RPUSD3: variants seen among roughly 807,000 people sequenced by gnomAD.
The protein encoded by RPUSD3 is RNA pseudouridine synthase D3, also known as mitochondrial mRNA pseudouridine synthase RPUSD3.
In RPUSD3, 36 loss-of-function variants were observed where a neutral mutation model predicts 35.1. The observed-to-expected ratio is 1.02, with a 90% confidence interval of 0.79 to 1.35. The LOEUF is 1.35. RPUSD3 is among the 40% of genes most tolerant of loss of function. The probability of loss-of-function intolerance (pLI) is 0.00; values close to 1 mark genes in which losing one functional copy is unlikely to be tolerated. For synonymous variants in RPUSD3, 202 were observed against 187.8 expected (o/e 1.08, Z -0.62); for missense variants, 486 against 441.9 (o/e 1.10, Z -0.89).
At chr3:9,837,901 A>T in exon 9 of RPUSD3, 1 of 1,152,116 alleles carries the variant, frequency 8.7e-7, no homozygotes, top group Non-Finnish European at 1.2e-6. Flanking sequence ...TTACTTGCCC[A>T]ATGCCACACA....
At chr3:9,843,320 G>T in intron 2 of RPUSD3, 145 bp downstream of exon 2, 1 of 1,134,462 alleles carries the variant, frequency 8.8e-7, no homozygotes, top group Non-Finnish European at 1.3e-6. Flanking sequence ...GCGGGGAGAG[G>T]GTGCAAATTA....
In RPUSD3 at chr3:9,842,249, A is replaced by C. The variant is rs1372379394; in HGVS notation, c.263-6T>G. On this transcript the variant is annotated splice_region_variant and splice_polypyrimidine_tract_variant and intron_variant, in intron 2 of 8. Transcript: ENST00000383820. ...GTTCAACGTCACTAGAGGTCCTGAAACATACATCACACGAACATCAGCAAA... is the reference window on the plus strand; with the variant it reads ...GTTCAACGTCACTAGAGGTCCTGAACCATACATCACACGAACATCAGCAAA... 6.2e-7 allele frequency: 1 copy of C among 1,614,110 alleles called. No individual in the cohort carries two copies. Among genetic ancestry groups the C allele is most frequent in the East Asian group, 2.2e-5 (1 of 44,888 alleles).
intron 1 of RPUSD3, 86 bp downstream of exon 1, chr3:9,843,804 G>C: frequency 1.3e-6 from 2 of 1,551,214 alleles, no homozygotes; most frequent in Non-Finnish European, 1.7e-6. Flanking sequence ...GCTGTTTTCG[G>C]GTAACATCTA....
chr3:9,840,601 C>T (rs1197950584), exon 6 of RPUSD3: 1 of 1,613,754 alleles, frequency 6.2e-7, no homozygotes, highest in Non-Finnish European at 8.5e-7. Context: ...CAGCTGGGAT[C>T]CCATCAGTGA....
At chr3:9,843,328 T>G in intron 2 of RPUSD3, 137 bp downstream of exon 2, 2 of 1,277,412 alleles carry the variant, frequency 1.6e-6, no homozygotes, top group Non-Finnish European at 1.1e-6. Flanking sequence ...AGGGTGCAAA[T>G]TAGGTGGCTT....
intron 2 of RPUSD3, 108 bp from the exon 3 acceptor site, chr3:9,842,351 A>G (rs1482150404): frequency 6.4e-6 from 7 of 1,086,114 alleles, no homozygotes; most frequent in South Asian, 5.0e-5. Context: ...TGTCCCCATC[A>G]TGACTCTCAG....
At chr3:9,840,289 G>A (rs905964862) in exon 7 of RPUSD3, 4 of 1,614,030 alleles carry the variant, frequency 2.5e-6, no homozygotes, top group Admixed American at 3.3e-5. Context: ...TTTCGGGATG[G>A]GGCCTTCACT....
chr3:9,842,316 G>T, intron 2 of RPUSD3, 73 bp from the exon 3 acceptor site: 2 of 1,461,268 alleles, frequency 1.4e-6, no homozygotes, highest in Non-Finnish European at 1.9e-6. Context: ...AGTTTCCAGA[G>T]CACTTTCTCA....
intron 2 of RPUSD3, 52 bp downstream of exon 2, chr3:9,843,413 G>A: frequency 1.9e-6 from 3 of 1,605,770 alleles, no homozygotes; most frequent in Middle Eastern, 1.7e-4. Flanking sequence ...CCAACTGCAC[G>A]CCGAGGCAGT....
chr3:9,838,694 T>C (rs1372942998), intron 8 of RPUSD3, among the ~76,000 whole-genome samples: 1 of 152,214 alleles, frequency 6.6e-6, no homozygotes, highest in Non-Finnish European at 1.5e-5. Context: ...TCTGGTAGTC[T>C]GGGCTTAGTG....
exon 3 of RPUSD3, chr3:9,842,212 A>G: frequency 6.2e-7 from 1 of 1,614,150 alleles, no homozygotes; most frequent in African/African-American, 1.3e-5. Context: ...TCACTGGTAG[A>G]CCCTGTGGCT....
In RPUSD3 at chr3:9,843,885, A is replaced by G. The variant is rs780883032; in HGVS notation, c.125+5T>C. 4.4e-6 allele frequency: 7 copies of G among 1,601,908 alleles called. 1 individual carries two copies. In the South Asian group the frequency reaches 7.8e-5, roughly 18 times the overall value. Reference sequence around the variant, plus strand: ...TCCCGCATGAGAGAGGGGGTACTTAATCACCGGGCTTCGGTGCCAAAGCCT... The same window carrying G: ...TCCCGCATGAGAGAGGGGGTACTTAGTCACCGGGCTTCGGTGCCAAAGCCT... On this transcript the variant is annotated splice_donor_5th_base_variant and intron_variant, in intron 1 of 8. Transcript: ENST00000383820.
At chr3:9,843,943 C>A in exon 1 of RPUSD3, 1 of 1,602,300 alleles carries the variant, frequency 6.2e-7, no homozygotes, top group East Asian at 2.3e-5. Flanking sequence ...CACCCAGGCC[C>A]CGCCGCCAGC....
chr3:9,843,494 G>C, exon 2 of RPUSD3: 1 of 1,613,996 alleles, frequency 6.2e-7, no homozygotes, highest in Non-Finnish European at 8.5e-7. Flanking sequence ...TGCCCGCAGC[G>C]CATCAACCAG....
intron 2 of RPUSD3, chr3:9,842,634 G>A (rs759322574): frequency 3.3e-5 from 9 of 269,896 alleles, no homozygotes; most frequent in Non-Finnish European, 6.6e-5. Flanking sequence ...CATTTCTCCC[G>A]TTAGAGAGAA....
Position 9,840,046 on chromosome 3 carries a change from A to G in RPUSD3, c.724+138T>C, listed in dbSNP as rs1024334813. The G allele has an allele frequency of 2.8e-5, 31 of 1,109,988 alleles. No individual in the cohort carries two copies. The South Asian group carries it at 5.0e-4, about 18-fold the overall frequency. The allele number at this position is 1,109,988 out of a possible 1,614,324, so 68.8% of individuals were successfully genotyped here. ...CAGGCGCCTGCCACCGTGCCCAGCT[A>G]ATTTTTGTAGTTTTTAGTTGAAACA... On this transcript the variant is annotated intron_variant, in intron 7 of 8. Coordinates refer to ENST00000383820, the Ensembl canonical transcript of RPUSD3.
chr3:9,840,931 T>C (rs1295504283), intron 4 of RPUSD3, 126 bp from the exon 5 acceptor site: 7 of 608,498 alleles, frequency 1.2e-5, no homozygotes, highest in African/African-American at 9.3e-5. Context: ...CTAGACCAAC[T>C]CCTGAGAAAC....
chr3:9,840,145 A>C, intron 7 of RPUSD3, 39 bp downstream of exon 7: 2 of 1,593,352 alleles, frequency 1.3e-6, no homozygotes, highest in Non-Finnish European at 1.7e-6. Flanking sequence ...CTCCCAAATC[A>C]AGTGCAGTTT....
intron 7 of RPUSD3, chr3:9,839,422 A>AAATTAAG (rs2082070497): frequency 2.6e-6 from 1 of 388,900 alleles, no homozygotes; most frequent in Non-Finnish European, 4.7e-6. Context: ...TGCTGAAGCC[A>AAATTAAG]CCGGGCCTAA....
Sources: gnomAD v4.1 joint callset for allele counts (sites outside exome capture counted in the v4.1 genomes callset) on GRCh38, gnomAD v4.1.1 for gene constraint, MANE v1.5 for transcripts, NCBI Gene and HGNC (gene_info 2026-07-23, HGNC 2026-07-21) for gene names.